Variants in HAL observed in about 807,000 individuals in gnomAD.
HAL encodes histidase.
HAL carries 85 observed loss-of-function variants against 81.1 expected under a neutral mutation model. The observed-to-expected ratio is 1.05, with a 90% CI of 0.88 to 1.25. HAL has a LOEUF of 1.25. Ranked by LOEUF, HAL falls within the 50% of genes most tolerant of loss-of-function variation. HAL has a pLI of 0.00. For missense variants in HAL, 798 were observed against 836.6 expected (o/e 0.95, Z 0.57); for synonymous variants, 301 against 309.2 (o/e 0.97, Z 0.28).
chr12:95,994,605 G>C (rs1950009948), intron 4 of HAL, among the ~76,000 whole-genome samples, 193 bp downstream of exon 4: 1 of 152,168 alleles, frequency 6.6e-6, no homozygotes, highest in Non-Finnish European at 1.5e-5. Context: ...GGCCAGGCTG[G>C]TTTCAAACTG....
chr12:95,986,971 C>T, intron 12 of HAL, 96 bp downstream of exon 12: 2 of 1,059,044 alleles, frequency 1.9e-6, no homozygotes, highest in Non-Finnish European at 1.5e-6. Context: ...TTCCCTACTA[C>T]CTGCCCCCAC....
chr12:95,985,042 C>T (rs1339327728), intron 14 of HAL, among the ~76,000 whole-genome samples: 1 of 152,106 alleles, frequency 6.6e-6, no homozygotes, highest in African/African-American at 2.4e-5. Flanking sequence ...AATGCCAACC[C>T]AGGTCATCTG....
Position 95,995,952 on chromosome 12 carries a change from G to A in HAL, c.-42C>T, listed in dbSNP as rs776299518. 1 of 1,597,676 alleles carries A rather than the reference G, an allele frequency of 6.3e-7. No homozygotes were observed. The highest frequency in any genetic ancestry group is 8.5e-7 in the Non-Finnish European group (1 of 1,178,708). The stretch of plus-strand genomic sequence containing the variant: ...GAGGTCCTCAGCTGGTCACAGGAGG[G>A]GAGAGCTTTATGCAGGAGTGGCTAC... On this transcript the variant is annotated 5_prime_UTR_variant, in exon 2 of 21. Coordinates refer to ENST00000261208, the MANE Select transcript of HAL (RefSeq NM_002108.4).
At position 95,973,735 on chromosome 12, in the gene HAL, G is replaced by A. The variant is rs546504805; in HGVS notation, c.*497C>T. The A allele has an allele frequency of 4.1e-4, 65 of 158,460 alleles. No individual in the cohort carries two copies. The highest frequency in any genetic ancestry group is 7.5e-4 in the Non-Finnish European group (54 of 71,994). 9.8% of individuals were successfully genotyped at this position (158,460 alleles called of 1,614,324 possible). On this transcript the variant is annotated 3_prime_UTR_variant, in exon 21 of 21. Coordinates refer to ENST00000261208, the MANE Select transcript of HAL (RefSeq NM_002108.4). ...TAAGGACAAATTATGACTTAAAATG[G>A]TTATTTATGAAGGCATATTAAGGCA...
chr12:95,973,677 C>T lies in HAL; in HGVS notation c.*555G>A, dbSNP rs137976982. On this transcript the variant is annotated 3_prime_UTR_variant, in exon 21 of 21. Transcript: ENST00000261208. ...TGAAGACCCTATTGACTACTCTTTA[C>T]TATGATCCAATTAATAGAAGAAAAA... The T allele has an allele frequency of 3.5e-3, 545 of 157,348 alleles. 4 individuals are homozygous for T. The highest frequency in any genetic ancestry group is 0.013 in the African/African-American group (524 of 41,528). The allele number at this position is 157,348 out of a possible 1,614,324, so 9.7% of individuals were successfully genotyped here.
At chr12:95,993,531 A>G (rs368408851) in intron 7 of HAL, 43 bp from the exon 8 acceptor site, 278 of 1,315,520 alleles carry the variant, frequency 2.1e-4, no homozygotes, top group Non-Finnish European at 2.9e-4. Flanking sequence ...CATTGCAGTG[A>G]GAAAATGTTC....
intron 15 of HAL, among the ~76,000 whole-genome samples, chr12:95,982,926 T>TG (rs1373207707): frequency 2.0e-5 from 3 of 152,182 alleles, no homozygotes; most frequent in African/African-American, 7.2e-5. Context: ...CCTCAACATC[T>TG]GGGGAACTGA....
chr12:95,995,175 G>C, intron 2 of HAL, 182 bp from the exon 3 acceptor site: 1 of 661,404 alleles, frequency 1.5e-6, no homozygotes, highest in East Asian at 2.7e-5. Flanking sequence ...AAAGCAGAAA[G>C]GTAGGTGTCA....
intron 17 of HAL, among the ~76,000 whole-genome samples, chr12:95,978,932 C>T (rs1398640202): frequency 6.6e-6 from 1 of 152,154 alleles, no homozygotes; most frequent in Admixed American, 6.5e-5. Context: ...AAACTAGGGT[C>T]ATGCTACTTT....
chr12:95,993,353 A>C, intron 8 of HAL, 98 bp downstream of exon 8: 1 of 848,768 alleles, frequency 1.2e-6, no homozygotes, highest in Admixed American at 1.7e-5. Flanking sequence ...GTTTTGAGAA[A>C]CTAGCTTTTT....
In HAL at chr12:95,988,984, C is replaced by T. The variant is rs372132429; in HGVS notation, c.856-744G>A. 7.3e-4 allele frequency among the ~76,000 whole-genome samples: 111 copies of T among 152,168 alleles called. 1 individual carries two copies. The South Asian group carries it at 0.02, about 28-fold the overall frequency. ...TGGATTCTGTTCTGGGTGTTGGGGT[C>T]GGTCTAGGAGTAGGCAAAATGAAGA... On this transcript the variant is annotated intron_variant, in intron 10 of 20. Transcript: ENST00000261208.
rs1190376786 is a variant in HAL, at chr12:95,980,585, A to T, written c.1490T>A (p.Met497Lys). The change falls in exon 17 of 21, where the codon ATG becomes AAG. Residue 497 changes from methionine to lysine, a missense_variant. Physicochemically the swap from Met to Lys is moderately conservative, Grantham distance 95 (BLOSUM62 -1). Coordinates refer to ENST00000261208, the MANE Select transcript of HAL (RefSeq NM_002108.4). ...GGCTGCTGCCGTGCAGTGAGCTATC[A>T]TGAACCCAGAGTTCAGACCACCTTC... ...VAEGGLNSGF[M>K]IAHCTAAALV... The T allele has an allele frequency of 1.9e-6, 3 of 1,613,994 alleles. No homozygotes were observed. The highest frequency in any genetic ancestry group is 2.2e-5 in the East Asian group (1 of 44,884).
chr12:95,990,499 G>T lies in HAL; in HGVS notation c.749C>A (p.Thr250Asn), dbSNP rs1470582656. 6.2e-7 allele frequency: 1 copy of T among 1,613,450 alleles called. No homozygotes were observed. Among genetic ancestry groups the T allele is most frequent in the Non-Finnish European group, 8.5e-7 (1 of 1,179,366 alleles). The change falls in exon 10 of 21, where the codon ACC becomes AAC. Residue 250 changes from threonine (T) to asparagine (N), a missense_variant. Transcript: ENST00000261208. ...GGCAAGGTCTCCACTGGCACCAACGGTTCCTTTCTCTGGGACATAGGGCAG... is the reference window on the plus strand; with the variant it reads ...GGCAAGGTCTCCACTGGCACCAACGTTTCCTTTCTCTGGGACATAGGGCAG... ...SCLPYVPEKG[T>N]VGASGDLAPL...
chr12:95,982,232 T>A (rs1197460995), intron 15 of HAL, among the ~76,000 whole-genome samples: 6 of 152,360 alleles, frequency 3.9e-5, no homozygotes, highest in East Asian at 3.9e-4. Flanking sequence ...AGACACATAT[T>A]CTTTCAGGTA....
At position 95,983,966 on chromosome 12, in the gene HAL, A is replaced by G; in HGVS notation, c.1232T>C (p.Ile411Thr). ...PQVHGVVNDTIAFVKNIITTE... is the reference protein window; with the variant it reads ...PQVHGVVNDTTAFVKNIITTE... Reference sequence around the variant, plus strand: ...GGTAATGATGTTCTTCACAAATGCTATTGTATCATTCACCACACCATGGAC... The same window carrying G: ...GGTAATGATGTTCTTCACAAATGCTGTTGTATCATTCACCACACCATGGAC... Residue 411 changes from isoleucine to threonine, a missense_variant, in exon 15 of 21, where the codon ATA becomes ACA. Ile to Thr is a moderately conservative substitution (Grantham distance 89). Transcript: ENST00000261208. The G allele has an allele frequency of 1.9e-6, 3 of 1,581,804 alleles. No individual in the cohort carries two copies. Among genetic ancestry groups the G allele is most frequent in the Non-Finnish European group, 2.6e-6 (3 of 1,151,316 alleles).
At chr12:95,994,720 G>A in intron 4 of HAL, 78 bp downstream of exon 4, 2 of 1,387,132 alleles carry the variant, frequency 1.4e-6, no homozygotes, top group Non-Finnish European at 1.0e-6. Context: ...TGTTTTCTCA[G>A]AAGTTTTCCT....
In HAL at chr12:95,992,694, A is replaced by G; in HGVS notation, c.701T>C (p.Ile234Thr). 1.9e-6 allele frequency: 3 copies of G among 1,612,162 alleles called. No homozygotes were observed. Among genetic ancestry groups the G allele is most frequent in the Non-Finnish European group, 2.5e-6 (3 of 1,178,390 alleles). Residue 234 changes from isoleucine (I) to threonine (T), a missense_variant, in exon 9 of 21, where the codon ATA (isoleucine) becomes ACA (threonine). Physicochemically the swap from Ile to Thr is moderately conservative, Grantham distance 89. Transcript: ENST00000261208. ...CATTGCATTACCATTAAACATTTCT[A>G]TGACTTGTTTGAGGGTCTCCAGGGA... ...GISLETLKQV[I>T]EMFNASCLPY...
chr12:95,984,980 A>T (rs7136852), intron 14 of HAL, among the ~76,000 whole-genome samples: 1 of 152,214 alleles, frequency 6.6e-6, no homozygotes, highest in Non-Finnish European at 1.5e-5. Context: ...TATTGAGATG[A>T]CTGGCTCTCT....
At chr12:95,983,473 C>T (rs1949835840) in intron 15 of HAL, among the ~76,000 whole-genome samples, 1 of 152,162 alleles carries the variant, frequency 6.6e-6, no homozygotes, top group Non-Finnish European at 1.5e-5. Context: ...TGTTAAAAGG[C>T]TGACCTCTGC....
Sources: allele counts gnomAD v4.1 joint callset (sites outside exome capture counted in the v4.1 genomes callset), GRCh38; gene constraint gnomAD v4.1.1; transcripts MANE v1.5; gene names NCBI Gene and HGNC (gene_info 2026-07-23, HGNC 2026-07-21).